TMEM267: variants seen among roughly 807,000 people sequenced by gnomAD.
The protein encoded by TMEM267 is transmembrane protein 267.
In TMEM267, 20 loss-of-function variants were observed where a neutral mutation model predicts 19.3. That is an observed-to-expected ratio of 1.04 (90% CI 0.73 to 1.51). The LOEUF (loss-of-function observed/expected upper bound fraction) is 1.51. Among genes scored for constraint, TMEM267 ranks in the 40% most tolerant of loss-of-function variants. TMEM267 has a pLI of 0.00. For synonymous variants in TMEM267, 88 were observed against 90.3 expected, an observed-to-expected ratio of 0.97 and a Z score of 0.15; for missense variants, 242 against 261.9, an observed-to-expected ratio of 0.92 and a Z score of 0.52.
At chr5:43,460,373 T>C (rs959096306) in intron 1 of TMEM267, among the ~76,000 whole-genome samples, 1 of 152,006 alleles carries the variant, frequency 6.6e-6, no homozygotes, top group Non-Finnish European at 1.5e-5. Context: ...TAACCACATA[T>C]TTGAATTAGG....
chr5:43,448,160 C>A (rs983093605), intron 2 of TMEM267, among the ~76,000 whole-genome samples: 1 of 152,180 alleles, frequency 6.6e-6, no homozygotes, highest in East Asian at 1.9e-4. Flanking sequence ...TCTCCTCAAA[C>A]GAGTATTCTT....
intron 1 of TMEM267, among the ~76,000 whole-genome samples, chr5:43,466,220 C>G (rs566859607): frequency 7.2e-5 from 11 of 152,080 alleles, no homozygotes; most frequent in African/African-American, 2.2e-4. Flanking sequence ...TCCCAAAGGT[C>G]AAGGATAAAG....
In TMEM267 at chr5:43,446,195, T is replaced by A. The variant is rs746403317; in HGVS notation, c.*27A>T. 1.4e-6 allele frequency: 2 copies of A among 1,448,826 alleles called. No homozygotes were observed. Among genetic ancestry groups the A allele is most frequent in the African/African-American group, 2.8e-5 (2 of 71,242 alleles). The allele number at this position is 1,448,826 out of a possible 1,614,324, so 89.7% of individuals were successfully genotyped here. Reference sequence around the variant, plus strand: ...CTCTTAATTATCATCATCTGAGCCATTTGCTTCTCTAAGACTGCCGTGTAC... The same window carrying A: ...CTCTTAATTATCATCATCTGAGCCAATTGCTTCTCTAAGACTGCCGTGTAC... On this transcript the variant is annotated 3_prime_UTR_variant, in exon 3 of 3. Transcript: ENST00000397080.
chr5:43,479,958 T>C, intron 1 of TMEM267: 1 of 407,800 alleles, frequency 2.5e-6, no homozygotes. Flanking sequence ...TATGAATCAT[T>C]GTCTCCTTTA....
chr5:43,451,277 G>C (rs1217875753), intron 2 of TMEM267, among the ~76,000 whole-genome samples: 3 of 152,102 alleles, frequency 2.0e-5, no homozygotes, highest in Non-Finnish European at 1.5e-5. Context: ...TTAAACTAAA[G>C]AGCTTCTGCA....
At chr5:43,453,590 G>T in intron 2 of TMEM267, 68 bp downstream of exon 2, 2 of 1,357,582 alleles carry the variant, frequency 1.5e-6, no homozygotes, top group Non-Finnish European at 2.0e-6. Flanking sequence ...TCTAAATGAT[G>T]CTGTAAAGAT....
rs1742143452 is a variant in TMEM267 at position 43,444,664 on chromosome 5, A to G, written c.*1558T>C. 1 of 152,118 alleles carries G rather than the reference A, an allele frequency of 6.6e-6. No homozygotes were observed. Among genetic ancestry groups the G allele is most frequent in the Non-Finnish European group, 1.5e-5 (1 of 68,024 alleles). The allele number at this position is 152,118 out of a possible 1,614,324, so 9.4% of individuals were successfully genotyped here. A position where few individuals can be genotyped will look rare whatever the true frequency, so the allele number is the denominator to read the frequency against. On this transcript the variant is annotated 3_prime_UTR_variant, in exon 3 of 3. Coordinates refer to ENST00000397080, the MANE Select transcript of TMEM267 (RefSeq NM_022483.5). ...AAGAAAAAGTAGAAAAGGTTTTGCA[A>G]TTTAGTCAGGAATTGTTACACAAGA...
At chr5:43,448,981 T>C (rs1230229799) in intron 2 of TMEM267, among the ~76,000 whole-genome samples, 2 of 150,338 alleles carry the variant, frequency 1.3e-5, no homozygotes, top group African/African-American at 2.5e-5. Context: ...AAAAAATAGA[T>C]TAAAAAAAGA....
intron 1 of TMEM267, among the ~76,000 whole-genome samples, chr5:43,462,583 A>T (rs1030513565): frequency 3.9e-5 from 6 of 152,230 alleles, no homozygotes; most frequent in Admixed American, 3.9e-4. Flanking sequence ...TTTAACAAAA[A>T]GATTGAAATA....
chr5:43,446,894 A>C (rs1395592660), intron 2 of TMEM267, among the ~76,000 whole-genome samples: 3 of 152,104 alleles, frequency 2.0e-5, no homozygotes, highest in East Asian at 1.9e-4. Flanking sequence ...TTATATAATT[A>C]TCCAGGGCCT....
At chr5:43,461,659 T>C (rs1323803100) in intron 1 of TMEM267, among the ~76,000 whole-genome samples, 1 of 152,056 alleles carries the variant, frequency 6.6e-6, no homozygotes, top group African/African-American at 2.4e-5. Flanking sequence ...CAGTACTCTT[T>C]GTGACCTGGG....
chr5:43,463,775 C>T lies in TMEM267; in HGVS notation c.-74-9732G>A, dbSNP rs1215945311. On this transcript the variant is annotated intron_variant, in intron 1 of 2. Coordinates refer to ENST00000397080, the MANE Select transcript of TMEM267 (RefSeq NM_022483.5). Reference sequence around the variant, plus strand: ...AACAACTCTTCATGCTAAAAACTCTCAATAAATTAGGTATCGATGGGATGT... The same window carrying T: ...AACAACTCTTCATGCTAAAAACTCTTAATAAATTAGGTATCGATGGGATGT... Among the ~76,000 whole-genome samples the T allele has an allele frequency of 5.9e-5, 9 of 152,322 alleles. No homozygotes were observed. The East Asian group carries it at 1.7e-3, about 29-fold the overall frequency.
chr5:43,484,204 G>A (rs34455365), upstream of TMEM267: 1,202 of 152,390 alleles, frequency 7.9e-3, 11 homozygotes, highest in Middle Eastern at 0.027. Context: ...GTGGTGGCCC[G>A]GAAGCTGGGG....
At chr5:43,447,539 A>G (rs755806582) in intron 2 of TMEM267, among the ~76,000 whole-genome samples, 2 of 152,232 alleles carry the variant, frequency 1.3e-5, no homozygotes, top group Non-Finnish European at 2.9e-5. Flanking sequence ...ATCCCTAAAC[A>G]AAAATAAAGC....
chr5:43,471,742 G>A (rs1744088461), intron 1 of TMEM267, among the ~76,000 whole-genome samples: 1 of 152,168 alleles, frequency 6.6e-6, no homozygotes, highest in Admixed American at 6.5e-5. Flanking sequence ...ATATCTATAT[G>A]CAGAAGAATG....
At chr5:43,463,803 C>G (rs529043869) in intron 1 of TMEM267, among the ~76,000 whole-genome samples, 5 of 152,184 alleles carry the variant, frequency 3.3e-5, no homozygotes, top group Non-Finnish European at 5.9e-5. Flanking sequence ...TGGGATGTAT[C>G]TCCAAATAAT....
upstream of TMEM267, chr5:43,484,093 T>C (rs968538839): frequency 2.0e-5 from 3 of 152,124 alleles, no homozygotes; most frequent in African/African-American, 7.2e-5. Context: ...AGGAGAAAAG[T>C]GTCTTTTTAG....
At chr5:43,452,584 A>G (rs1742669621) in intron 2 of TMEM267, among the ~76,000 whole-genome samples, 1 of 104,938 alleles carries the variant, frequency 9.5e-6, no homozygotes, top group Admixed American at 8.6e-5. Flanking sequence ...CCCTAAATCC[A>G]TAAAAAAAAA....
In TMEM267 at chr5:43,444,615, A is replaced by G. The variant is rs1374702572; in HGVS notation, c.*1607T>C. 1 of 152,120 alleles carries G rather than the reference A, an allele frequency of 6.6e-6. No individual in the cohort carries two copies. The highest frequency in any genetic ancestry group is 1.5e-5 in the Non-Finnish European group (1 of 68,006). The allele number at this position is 152,120 out of a possible 1,614,324, so 9.4% of individuals were successfully genotyped here. On this transcript the variant is annotated 3_prime_UTR_variant, in exon 3 of 3. Coordinates refer to ENST00000397080, the MANE Select transcript of TMEM267 (RefSeq NM_022483.5). ...TAAATAAGGCCCTATATTTTTAATAATATTTATTTGTTTAATATGAAGAAA... is the reference window on the plus strand; with the variant it reads ...TAAATAAGGCCCTATATTTTTAATAGTATTTATTTGTTTAATATGAAGAAA...
Sources: allele counts gnomAD v4.1 joint callset (sites outside exome capture counted in the v4.1 genomes callset), GRCh38; gene constraint gnomAD v4.1.1; transcripts MANE v1.5; gene names NCBI Gene and HGNC (gene_info 2026-07-23, HGNC 2026-07-21).